The following WAC variants were observed in gnomAD, a reference collection of about 807,000 sequenced individuals.
WAC encodes the protein WW domain containing adaptor with coiled-coil, also known as WW domain-containing adapter protein with coiled-coil.
WAC carries 11 observed loss-of-function variants against 79.6 expected under a neutral mutation model. That is an observed-to-expected ratio of 0.14 (90% confidence interval 0.09 to 0.23). WAC has a LOEUF of 0.23. Among genes scored for constraint, WAC ranks in the 10% least tolerant of loss-of-function variants. The probability of loss-of-function intolerance (pLI) is 1.00; values close to 1 mark genes in which losing one functional copy is unlikely to be tolerated. For missense variants in WAC, 728 were observed against 773.5 expected, an observed-to-expected ratio of 0.94 and a Z score of 0.70; for synonymous variants, 304 against 276.9, an observed-to-expected ratio of 1.10 and a Z score of -0.97.
At chr10:28,575,981 C>G (rs764571994) in intron 3 of WAC, among the ~76,000 whole-genome samples, 18 of 152,164 alleles carry the variant, frequency 1.2e-4, no homozygotes, top group Admixed American at 3.3e-4. Flanking sequence ...TGCCTACAGT[C>G]TTCAGTACAG....
rs144054749 is a variant in WAC at position 28,533,605 on chromosome 10, A to G, written c.26A>G (p.Gln9Arg). Reference sequence around the variant, plus strand: ...ATGGTAATGTATGCGAGGAAACAGCAGAGACTCAGTGATGGGTAAATTGTC... The same window carrying G: ...ATGGTAATGTATGCGAGGAAACAGCGGAGACTCAGTGATGGGTAAATTGTC... MVMYARKQ[Q>R]RLSDGCHDRR... The change falls in exon 1 of 14, where the codon CAG becomes CGG. Residue 9 changes from glutamine (Q) to arginine (R), a missense_variant. Gln to Arg is a conservative substitution (Grantham distance 43). This residue lies in a region of WAC where 648 missense variants were observed against 661.5 expected (regional missense o/e 0.98). Transcript: ENST00000354911. The G allele has an allele frequency of 4.4e-6, 7 of 1,592,376 alleles. No individual in the cohort carries two copies. The highest frequency in any genetic ancestry group is 1.4e-5 in the African/African-American group (1 of 72,682).
At chr10:28,567,182 GCT>G (rs1306914536) in intron 3 of WAC, among the ~76,000 whole-genome samples, 10 of 150,326 alleles carry the variant, frequency 6.7e-5, no homozygotes, top group Admixed American at 6.0e-4. Context: ...CTAAATTCCA[GCT>G]CTTTTTTTTT....
At chr10:28,602,457 A>G (rs1226124802) in intron 7 of WAC, among the ~76,000 whole-genome samples, 3 of 152,234 alleles carry the variant, frequency 2.0e-5, no homozygotes, top group Admixed American at 1.3e-4. Flanking sequence ...CTACACTTAC[A>G]TACCTCTTCA....
chr10:28,569,156 A>G (rs975400893), intron 3 of WAC, among the ~76,000 whole-genome samples: 10 of 152,180 alleles, frequency 6.6e-5, no homozygotes, highest in Non-Finnish European at 1.3e-4. Flanking sequence ...AAGGAGACTC[A>G]CCTTTTCTAA....
chr10:28,617,224 G>GA (rs1841510455), intron 12 of WAC, among the ~76,000 whole-genome samples: 1 of 152,190 alleles, frequency 6.6e-6, no homozygotes, highest in South Asian at 2.1e-4. Context: ...CTTTTTATCA[G>GA]ATAACTGACC....
At chr10:28,582,916 G>A (rs1839613557) in intron 3 of WAC, among the ~76,000 whole-genome samples, 1 of 151,880 alleles carries the variant, frequency 6.6e-6, no homozygotes. Context: ...AAAAGTTGAT[G>A]CTGTTTTATT....
At chr10:28,614,805 T>C in intron 11 of WAC, 120 bp downstream of exon 11, 1 of 823,034 alleles carries the variant, frequency 1.2e-6, no homozygotes, top group Non-Finnish European at 1.9e-6. Context: ...TACCCTAAAG[T>C]AGGCTTACAT....
Position 28,547,476 on chromosome 10 carries a change from AG to A in WAC, c.274+11720del, listed in dbSNP as rs1182216749. Reference sequence around the variant, plus strand: ...CTTGAGCCCTGGAGGCAGAAGATGCAGTGAGCCTGGGTCATGCCACTGCACT... The same window carrying A: ...CTTGAGCCCTGGAGGCAGAAGATGCATGAGCCTGGGTCATGCCACTGCACT... On this transcript the variant is annotated intron_variant, in intron 3 of 13. Coordinates refer to ENST00000354911, the MANE Select transcript of WAC (RefSeq NM_016628.5). 1.2e-4 allele frequency among the ~76,000 whole-genome samples: 18 copies of A among 152,138 alleles called. 1 individual carries two copies. In the East Asian group the frequency reaches 3.1e-3, roughly 26 times the overall value.
Position 28,595,855 on chromosome 10 carries a change from C to T in WAC, c.733C>T (p.Pro245Ser), listed in dbSNP as rs923738290. The T allele has an allele frequency of 2.5e-6, 4 of 1,614,128 alleles. No individual in the cohort carries two copies. In the African/African-American group the frequency reaches 5.3e-5, roughly 22 times the overall value. ...AGCAGAGACTCACAGTAGTTCTACG[C>T]CAGTACAGCACCCCATCAAACCAGT... is the stretch of plus-strand genomic sequence containing the variant. ...PRAETHSSSTPVQHPIKPVVH... is the reference protein window; with the variant it reads ...PRAETHSSSTSVQHPIKPVVH... The change falls in exon 7 of 14, where the codon CCA becomes TCA. Residue 245 changes from proline to serine, a missense_variant. Pro to Ser is a moderately conservative substitution (Grantham distance 74). Transcript: ENST00000354911.
chr10:28,601,082 A>T (rs1302326739), intron 7 of WAC, among the ~76,000 whole-genome samples: 1 of 152,158 alleles, frequency 6.6e-6, no homozygotes, highest in Non-Finnish European at 1.5e-5. Context: ...AGAAAAAAAT[A>T]GGCACATTGG....
intron 3 of WAC, among the ~76,000 whole-genome samples, chr10:28,554,515 G>T (rs1415036909): frequency 6.6e-6 from 1 of 152,052 alleles, no homozygotes; most frequent in Non-Finnish European, 1.5e-5. Flanking sequence ...TTAGCTCATT[G>T]TTCTCCCTTA....
At chr10:28,611,538 A>G in intron 9 of WAC, 1 of 1,376,370 alleles carries the variant, frequency 7.3e-7, no homozygotes, top group Non-Finnish European at 9.5e-7. Context: ...TTCCAGCCAC[A>G]TAAAGGAGAG....
At chr10:28,580,247 G>C (rs1475670154) in intron 3 of WAC, among the ~76,000 whole-genome samples, 1 of 152,064 alleles carries the variant, frequency 6.6e-6, no homozygotes, top group African/African-American at 2.4e-5. Context: ...AAGTTAGTTG[G>C]TAACTTCTGT....
chr10:28,550,207 A>G (rs1372669399), intron 3 of WAC, among the ~76,000 whole-genome samples: 1 of 150,958 alleles, frequency 6.6e-6, no homozygotes, highest in Non-Finnish European at 1.5e-5. Context: ...ACCATTACCC[A>G]AAGTTCACAT....
At chr10:28,570,598 G>A (rs1252970484) in intron 3 of WAC, among the ~76,000 whole-genome samples, 2 of 152,172 alleles carry the variant, frequency 1.3e-5, no homozygotes, top group African/African-American at 4.8e-5. Flanking sequence ...ATTTTGGAGT[G>A]TACTGTCAGA....
chr10:28,559,855 G>C lies in WAC; in HGVS notation c.275-23544G>C, dbSNP rs115361021. ...ATTGCCTCTCTGGGCCTGATGAAAG[G>C]GTTCACATTCCTCAGATAGATGTTT... is the stretch of plus-strand genomic sequence containing the variant. On this transcript the variant is annotated intron_variant, in intron 3 of 13. Coordinates refer to ENST00000354911, the MANE Select transcript of WAC (RefSeq NM_016628.5). Among the ~76,000 whole-genome samples the C allele has an allele frequency of 1.8e-3, 271 of 152,264 alleles. 4 individuals carry two copies. The highest frequency in any genetic ancestry group is 6.3e-3 in the African/African-American group (260 of 41,548).
chr10:28,604,502 T>C (rs1479739655), intron 7 of WAC, among the ~76,000 whole-genome samples: 1 of 151,966 alleles, frequency 6.6e-6, no homozygotes, highest in Non-Finnish European at 1.5e-5. Flanking sequence ...GAAGCCGAGG[T>C]GAACAGATCA....
At chr10:28,607,508 T>G (rs1262996175) in intron 7 of WAC, among the ~76,000 whole-genome samples, 1 of 152,216 alleles carries the variant, frequency 6.6e-6, no homozygotes, top group Non-Finnish European at 1.5e-5. Context: ...CATCCTTTAT[T>G]TCTAAATACT....
At chr10:28,538,433 T>A (rs1836802927) in intron 3 of WAC, 1 of 166,222 alleles carries the variant, frequency 6.0e-6, no homozygotes, top group Admixed American at 6.3e-5. Flanking sequence ...AATACAAAAG[T>A]TAGCTGGTTG....
Sources: allele counts gnomAD v4.1 joint callset (sites outside exome capture counted in the v4.1 genomes callset), GRCh38; gene constraint gnomAD v4.1.1; regional missense constraint gnomAD v4.1.1; transcripts MANE v1.5; gene names NCBI Gene and HGNC (gene_info 2026-07-23, HGNC 2026-07-21).